The following RASEF variants were observed in gnomAD, a reference collection of about 807,000 sequenced individuals.
RASEF encodes ras and EF-hand domain-containing protein.
Under a neutral mutation model 90.1 loss-of-function variants are expected in RASEF, and 68 were observed. The observed-to-expected ratio is 0.75, with a 90% confidence interval of 0.62 to 0.92. The LOEUF (loss-of-function observed/expected upper bound fraction) is 0.92, where lower values mean the gene tolerates loss of function less well. Ranked by LOEUF, RASEF falls within the 40% of genes least tolerant of loss-of-function variation. The pLI, the probability that RASEF is intolerant of heterozygous loss-of-function variation, is 0.00. For synonymous variants in RASEF, 331 were observed against 345.2 expected (o/e 0.96, Z 0.46); for missense variants, 949 against 937.2 (o/e 1.01, Z -0.16).
the RASEF span, among the ~76,000 whole-genome samples, chr9:83,111,669 A>G: frequency 6.6e-6 from 1 of 152,140 alleles, no homozygotes; most frequent in African/African-American, 2.4e-5. Flanking sequence ...AAAAGAATAC[A>G]TACAATTGTC....
At chr9:83,158,620 A>G in the RASEF span, among the ~76,000 whole-genome samples, 1 of 116,628 alleles carries the variant, frequency 8.6e-6, no homozygotes, top group Non-Finnish European at 1.8e-5. Flanking sequence ...ATATGTATAT[A>G]TGTACATATG....
chr9:83,040,301 TC>T (rs1305152431), intron 1 of RASEF, among the ~76,000 whole-genome samples: 2 of 152,208 alleles, frequency 1.3e-5, no homozygotes, highest in Non-Finnish European at 2.9e-5. Context: ...AACCAATGTA[TC>T]AAATCTTGAA....
chr9:83,195,447 G>A, the RASEF span, among the ~76,000 whole-genome samples: 2 of 152,106 alleles, frequency 1.3e-5, no homozygotes, highest in East Asian at 3.9e-4. Flanking sequence ...GACCTAGGAG[G>A]CCCACTGTGG....
chr9:83,044,827 A>G (rs1022364988), intron 1 of RASEF, among the ~76,000 whole-genome samples: 1 of 152,220 alleles, frequency 6.6e-6, no homozygotes, highest in Non-Finnish European at 1.5e-5. Context: ...CATGAGATTA[A>G]CACTTAAATC....
At chr9:83,208,697 T>C in the RASEF span, among the ~76,000 whole-genome samples, 1 of 152,112 alleles carries the variant, frequency 6.6e-6, no homozygotes, top group South Asian at 2.1e-4. Context: ...ACAAGACCGA[T>C]AGCCAGGAAA....
chr9:83,178,338 G>A, the RASEF span, among the ~76,000 whole-genome samples: 1 of 151,986 alleles, frequency 6.6e-6, no homozygotes, highest in Non-Finnish European at 1.5e-5. Context: ...TGGCACTATG[G>A]CTCACATTCA....
chr9:83,169,350 TAC>T, the RASEF span, among the ~76,000 whole-genome samples: 2,959 of 146,016 alleles, frequency 0.02, 59 homozygotes, highest in African/African-American at 0.047. Flanking sequence ...CTGATTTCCA[TAC>T]ACACACACAC....
intron 16 of RASEF, among the ~76,000 whole-genome samples, chr9:82,988,454 C>CT (rs975942767): frequency 5.9e-5 from 9 of 151,690 alleles, no homozygotes; most frequent in Admixed American, 2.6e-4. Context: ...CAAATATTCA[C>CT]TTTTTTTTTC....
chr9:83,048,139 C>A (rs776854372), intron 1 of RASEF: 15 of 985,272 alleles, frequency 1.5e-5, no homozygotes, highest in Non-Finnish European at 1.8e-5. Flanking sequence ...GAGGCCTCCA[C>A]GTTTGTAAAC....
At chr9:83,067,582 A>G (rs1830292295), upstream of RASEF, among the ~76,000 whole-genome samples, 2 of 152,188 alleles carry the variant, frequency 1.3e-5, no homozygotes, top group African/African-American at 4.8e-5. Context: ...ATTAATGTAT[A>G]GCATTGTTGT....
intron 3 of RASEF, 107 bp from the exon 4 acceptor site, chr9:83,016,007 TCTC>T: frequency 1.3e-6 from 1 of 775,142 alleles, no homozygotes; most frequent in Non-Finnish European, 2.2e-6. Flanking sequence ...TGACTTCAGT[TCTC>T]CTACACAGGG....
chr9:83,117,995 T>G, the RASEF span, among the ~76,000 whole-genome samples: 1 of 152,222 alleles, frequency 6.6e-6, no homozygotes. Context: ...TGCTTGTTAG[T>G]AGATCACTTA....
the RASEF span, among the ~76,000 whole-genome samples, chr9:83,103,708 A>G: frequency 6.6e-6 from 1 of 152,194 alleles, no homozygotes; most frequent in Non-Finnish European, 1.5e-5. Flanking sequence ...ACACTATTGT[A>G]TAAGACTTAT....
rs1159287910 is a variant in RASEF, at chr9:83,062,713, T to C, written c.155A>G (p.Gln52Arg). ...VRPADAEAVF[Q>R]RLDADRDGAI... ...GCCGTCACGGTCGGCGTCCAGCCGC[T>C]GGAATACTGCCTCGGCGTCGGCCGG... Residue 52 changes from glutamine (Q) to arginine (R), a missense_variant, in exon 1 of 17, where the codon CAG (glutamine) becomes CGG (arginine). Coordinates refer to ENST00000376447, the MANE Select transcript of RASEF (RefSeq NM_152573.4). 6.3e-7 allele frequency: 1 copy of C among 1,579,348 alleles called. No individual in the cohort carries two copies. The highest frequency in any genetic ancestry group is 8.5e-7 in the Non-Finnish European group (1 of 1,171,350).
chr9:83,022,249 C>T, intron 3 of RASEF, 87 bp downstream of exon 3: 1 of 967,898 alleles, frequency 1.0e-6, no homozygotes, highest in Non-Finnish European at 1.7e-6. Flanking sequence ...TGTACCCCTG[C>T]ATGACACCCA....
the RASEF span, among the ~76,000 whole-genome samples, chr9:83,190,968 A>G: frequency 7.9e-5 from 12 of 152,286 alleles, no homozygotes; most frequent in South Asian, 2.5e-3. Flanking sequence ...TAATAATGAT[A>G]TCAGGATGTT....
the RASEF span, among the ~76,000 whole-genome samples, chr9:83,135,269 T>G: frequency 6.6e-6 from 1 of 152,062 alleles, no homozygotes; most frequent in Non-Finnish European, 1.5e-5. Context: ...ACACTGCATG[T>G]TCTCACCCAT....
the RASEF span, among the ~76,000 whole-genome samples, chr9:83,186,014 C>G: frequency 2.0e-5 from 3 of 152,162 alleles, no homozygotes; most frequent in African/African-American, 7.2e-5. Context: ...ATCCCTGCGT[C>G]GTTTTCCCTT....
the RASEF span, among the ~76,000 whole-genome samples, chr9:83,161,428 C>T: frequency 3.0e-3 from 463 of 152,244 alleles, 2 homozygotes; most frequent in African/African-American, 0.011. Flanking sequence ...AGCCCCTTTC[C>T]CCCTTTCTTT....
Sources: allele counts gnomAD v4.1 joint callset (sites outside exome capture counted in the v4.1 genomes callset), GRCh38; gene constraint gnomAD v4.1.1; transcripts MANE v1.5; gene names NCBI Gene and HGNC (gene_info 2026-07-23, HGNC 2026-07-21).